The following SRBD1 variants were observed in gnomAD, a reference collection of about 807,000 sequenced individuals.
SRBD1 encodes the protein S1 RNA binding domain 1.
Under a neutral mutation model 115.3 loss-of-function variants are expected in SRBD1, and 88 were observed. That is an observed-to-expected ratio of 0.76 (90% CI 0.64 to 0.91). The LOEUF (loss-of-function observed/expected upper bound fraction) is 0.91. Among genes scored for constraint, SRBD1 ranks in the 40% least tolerant of loss-of-function variants. SRBD1 has a pLI of 0.00. For synonymous variants in SRBD1, 509 were observed against 407.7 expected, an observed-to-expected ratio of 1.25 and a Z score of -2.99; for missense variants, 1,385 against 1,177.4, an observed-to-expected ratio of 1.18 and a Z score of -2.58.
intron 14 of SRBD1, among the ~76,000 whole-genome samples, chr2:45,525,222 G>A (rs754822702): frequency 2.0e-5 from 3 of 151,908 alleles, no homozygotes; most frequent in African/African-American, 4.8e-5. Context: ...TCTTTATGAC[G>A]GTGGATTTGG....
chr2:45,561,978 T>C (rs1672676701), intron 10 of SRBD1, among the ~76,000 whole-genome samples: 1 of 152,194 alleles, frequency 6.6e-6, no homozygotes, highest in Non-Finnish European at 1.5e-5. Flanking sequence ...TCAGATATGA[T>C]ACATAGAGCA....
intron 14 of SRBD1, among the ~76,000 whole-genome samples, chr2:45,509,537 A>C (rs1216716752): frequency 7.2e-6 from 1 of 138,234 alleles, no homozygotes; most frequent in Non-Finnish European, 1.6e-5. Flanking sequence ...CGGAGCTGGC[A>C]GTGAGCAGAG....
intron 14 of SRBD1, among the ~76,000 whole-genome samples, chr2:45,511,775 C>T (rs1670978738): frequency 6.6e-6 from 1 of 152,186 alleles, no homozygotes; most frequent in South Asian, 2.1e-4. Context: ...TTTTTAAAGT[C>T]TCCATTCCCA....
intron 3 of SRBD1, among the ~76,000 whole-genome samples, chr2:45,600,572 C>T (rs909111167): frequency 1.2e-4 from 19 of 152,180 alleles, no homozygotes; most frequent in African/African-American, 4.6e-4. Context: ...AGAATGATAG[C>T]AGGCTAATGT....
chr2:45,454,573 C>A (rs542305591), intron 16 of SRBD1, among the ~76,000 whole-genome samples: 4 of 151,834 alleles, frequency 2.6e-5, no homozygotes, highest in Admixed American at 2.0e-4. Context: ...AGTTTGCAAA[C>A]CCCACTTTTA....
At chr2:45,452,644 CTT>C (rs907018357) in intron 16 of SRBD1, among the ~76,000 whole-genome samples, 1 of 151,950 alleles carries the variant, frequency 6.6e-6, no homozygotes, top group South Asian at 2.1e-4. Flanking sequence ...ATACTGGTGT[CTT>C]TTGCTTTAAG....
At chr2:45,490,992 C>A (rs902044773) in intron 14 of SRBD1, among the ~76,000 whole-genome samples, 3 of 152,060 alleles carry the variant, frequency 2.0e-5, no homozygotes, top group Admixed American at 6.5e-5. Flanking sequence ...CACAGAAAAA[C>A]CTCAACATTG....
rs760981529 is a variant in SRBD1 at position 45,585,621 on chromosome 2, G to C, written c.802C>G (p.Leu268Val). The change falls in exon 5 of 21, where the codon CTA becomes GTA. Residue 268 changes from leucine (L) to valine (V), a missense_variant. Leu to Val is a conservative substitution (Grantham distance 32). Transcript: ENST00000263736. ...TAGGTTTCTTACCGTAGCTCTTCTA[G>C]GGTTTGCTGAACTTCTCTCAAGGAA... ...ADSLREVQQT[L>V]EELRAVAKKV... is the part of the protein sequence containing the mutation. 4.3e-6 allele frequency: 7 copies of C among 1,610,436 alleles called. No homozygotes were observed. Among genetic ancestry groups the C allele is most frequent in the East Asian group, 2.2e-5 (1 of 44,684 alleles).
rs1441902890 is a variant in SRBD1, at chr2:45,599,813, T to C, written c.284A>G (p.Asp95Gly). 2.5e-6 allele frequency: 4 copies of C among 1,613,236 alleles called. No individual in the cohort carries two copies. Among genetic ancestry groups the C allele is most frequent in the South Asian group, 2.2e-5 (2 of 90,866 alleles). Residue 95 changes from aspartate to glycine, a missense_variant, in exon 4 of 21, where the codon GAT becomes GGT. By Grantham distance (94) the Asp-to-Gly change is moderately conservative (BLOSUM62 -1). Coordinates refer to ENST00000263736, the MANE Select transcript of SRBD1 (RefSeq NM_018079.5). ...ATTTTTTCTGTCTTCTAAAGCAGTA[T>C]CAGCAATAGCCACAGAGCTATTCTA... is the stretch of plus-strand genomic sequence containing the variant. ...EELNSSVAIA[D>G]TALEDRKNKL...
chr2:45,561,171 T>C (rs1672653665), intron 10 of SRBD1, among the ~76,000 whole-genome samples: 1 of 152,262 alleles, frequency 6.6e-6, no homozygotes. Context: ...AGACACTTAT[T>C]TGCCACTAGT....
At chr2:45,520,569 G>C (rs545220741) in intron 14 of SRBD1, among the ~76,000 whole-genome samples, 23 of 152,320 alleles carry the variant, frequency 1.5e-4, no homozygotes, top group African/African-American at 5.3e-4. Context: ...TGCCCAAAAA[G>C]TTGCCTTTTG....
At chr2:45,485,904 G>A (rs1328435371) in intron 15 of SRBD1, among the ~76,000 whole-genome samples, 1 of 152,156 alleles carries the variant, frequency 6.6e-6, no homozygotes, top group African/African-American at 2.4e-5. Flanking sequence ...CAAGCTCTTT[G>A]AATATTTGAC....
At chr2:45,594,655 T>A (rs1197906693) in intron 4 of SRBD1, among the ~76,000 whole-genome samples, 1 of 152,332 alleles carries the variant, frequency 6.6e-6, no homozygotes, top group South Asian at 2.1e-4. Flanking sequence ...TCATGTATAA[T>A]GTCTGTTAAA....
chr2:45,530,910 G>C lies in SRBD1; in HGVS notation c.1874+15822C>G, dbSNP rs1428422256. Reference sequence around the variant, plus strand: ...GAGCCTAAGAGTTCGAGATCAGCCTGGGCAACACAGTGAGACCCTGTCTCA... The same window carrying C: ...GAGCCTAAGAGTTCGAGATCAGCCTCGGCAACACAGTGAGACCCTGTCTCA... On this transcript the variant is annotated intron_variant, in intron 14 of 20. Transcript: ENST00000263736. Among the ~76,000 whole-genome samples, 5 of 152,042 alleles carry C rather than the reference G, an allele frequency of 3.3e-5. No homozygotes were observed. In the South Asian group the frequency reaches 1.0e-3, roughly 32 times the overall value.
chr2:45,521,875 G>A (rs1671295443), intron 14 of SRBD1, among the ~76,000 whole-genome samples: 3 of 152,084 alleles, frequency 2.0e-5, no homozygotes, highest in Admixed American at 2.0e-4. Context: ...GGCTCAGCTG[G>A]GAGGATCGCT....
In SRBD1 at chr2:45,419,537, A is replaced by C. The variant is rs535583441; in HGVS notation, c.2156+251T>G. Among the ~76,000 whole-genome samples the C allele has an allele frequency of 1.1e-4, 17 of 152,342 alleles. No individual in the cohort carries two copies. The South Asian group carries it at 3.1e-3, about 28-fold the overall frequency. On this transcript the variant is annotated intron_variant, in intron 17 of 20. Transcript: ENST00000263736. ...TAACCTTATTTAAATTCTATTAGCA[A>C]CACTAATACACTCAATGGTTACCAT...
chr2:45,610,095 A>G (rs1312064202), intron 1 of SRBD1, among the ~76,000 whole-genome samples: 1 of 152,190 alleles, frequency 6.6e-6, no homozygotes, highest in African/African-American at 2.4e-5. Context: ...TTCTTCAGTG[A>G]CTTGGGATTT....
chr2:45,606,284 C>T (rs1306915908), intron 1 of SRBD1, among the ~76,000 whole-genome samples: 1 of 151,868 alleles, frequency 6.6e-6, no homozygotes, highest in Non-Finnish European at 1.5e-5. Context: ...CTCAGCCTCC[C>T]TAGTAGCTGG....
At chr2:45,394,806 C>T (rs1222923950) in intron 19 of SRBD1, among the ~76,000 whole-genome samples, 2 of 152,158 alleles carry the variant, frequency 1.3e-5, no homozygotes, top group East Asian at 3.8e-4. Flanking sequence ...GACTAATTCT[C>T]TTGAGAATGT....
Sources: allele counts gnomAD v4.1 joint callset (sites outside exome capture counted in the v4.1 genomes callset), GRCh38; gene constraint gnomAD v4.1.1; transcripts MANE v1.5; gene names NCBI Gene and HGNC (gene_info 2026-07-23, HGNC 2026-07-21).